NKAIN3: variants seen among roughly 807,000 people sequenced by gnomAD.
The protein encoded by NKAIN3 is sodium/potassium transporting ATPase interacting 3.
NKAIN3 carries 25 observed loss-of-function variants against 30.2 expected under a neutral mutation model. That is an observed-to-expected ratio of 0.83 (90% CI 0.60 to 1.16). NKAIN3 has a LOEUF of 1.16. Ranked by LOEUF, NKAIN3 falls within the 50% of genes most tolerant of loss-of-function variation. NKAIN3 has a pLI of 0.00. For missense variants in NKAIN3, 225 were observed against 254.1 expected (o/e 0.89, Z 0.78); for synonymous variants, 91 against 89.6 (o/e 1.02, Z -0.09).
chr8:62,821,391 A>G lies in NKAIN3; in HGVS notation c.471+74262A>G, dbSNP rs1264617085. ...ACTCAAACACTTAAATATCTTTTCT[A>G]TTCTTAACAAAAGTTTCTGGGAAAT... is the stretch of plus-strand genomic sequence containing the variant. On this transcript the variant is annotated intron_variant, in intron 4 of 6. Coordinates refer to ENST00000623646, the MANE Select transcript of NKAIN3 (RefSeq NM_001304533.3). 3.3e-5 allele frequency among the ~76,000 whole-genome samples: 5 copies of G among 152,120 alleles called. No homozygotes were observed. In the East Asian group the frequency reaches 9.6e-4, roughly 29 times the overall value.
chr8:62,352,948 TTC>T (rs1331297182), intron 1 of NKAIN3, among the ~76,000 whole-genome samples: 4 of 152,214 alleles, frequency 2.6e-5, no homozygotes, highest in Non-Finnish European at 5.9e-5. Flanking sequence ...GACTGATGAC[TTC>T]AGGGGTCTGT....
chr8:62,440,718 AAG>A (rs969544196), intron 1 of NKAIN3, among the ~76,000 whole-genome samples: 8 of 148,404 alleles, frequency 5.4e-5, no homozygotes, highest in African/African-American at 1.7e-4. Flanking sequence ...TTTTTTCTTC[AAG>A]AGAGAGCTAA....
At chr8:62,563,825 A>G (rs1335624547) in intron 1 of NKAIN3, among the ~76,000 whole-genome samples, 3 of 152,168 alleles carry the variant, frequency 2.0e-5, no homozygotes, top group Admixed American at 6.6e-5. Context: ...TTTAATGTAC[A>G]TTAAGAAAAC....
rs144739495 is a variant in NKAIN3, at chr8:62,553,661, C to T, written c.55-25878C>T. ...AAGCGATTCTCTTGCCTCAGCCTCC[C>T]GAACAGCTGGGATTACAGGCACCCA... On this transcript the variant is annotated intron_variant, in intron 1 of 6. Coordinates refer to ENST00000623646, the MANE Select transcript of NKAIN3 (RefSeq NM_001304533.3). 2.5e-3 allele frequency among the ~76,000 whole-genome samples: 376 copies of T among 151,964 alleles called. 2 individuals carry two copies. The highest frequency in any genetic ancestry group is 8.0e-3 in the African/African-American group (331 of 41,432).
At chr8:62,952,994 A>G (rs948169560) in intron 5 of NKAIN3, among the ~76,000 whole-genome samples, 1 of 152,098 alleles carries the variant, frequency 6.6e-6, no homozygotes, top group African/African-American at 2.4e-5. Context: ...AATAGATACT[A>G]TTTATGGGTT....
intron 4 of NKAIN3, among the ~76,000 whole-genome samples, chr8:62,787,520 C>T (rs1817560834): frequency 1.3e-5 from 2 of 151,992 alleles, no homozygotes; most frequent in South Asian, 4.2e-4. Context: ...TACTATCATC[C>T]TCTTTTTTTA....
At chr8:62,624,429 T>C (rs890393123) in intron 3 of NKAIN3, among the ~76,000 whole-genome samples, 1 of 151,968 alleles carries the variant, frequency 6.6e-6, no homozygotes, top group African/African-American at 2.4e-5. Flanking sequence ...CTCTACTCTC[T>C]CTTTTTTACT....
intron 4 of NKAIN3, among the ~76,000 whole-genome samples, chr8:62,912,896 C>A (rs1821965542): frequency 6.6e-6 from 1 of 151,742 alleles, no homozygotes; most frequent in Non-Finnish European, 1.5e-5. Context: ...GCAACAAGAG[C>A]AAAACTCTGT....
downstream of NKAIN3, among the ~76,000 whole-genome samples, chr8:62,987,913 A>G (rs1331142718): frequency 6.6e-6 from 1 of 152,194 alleles, no homozygotes; most frequent in Non-Finnish European, 1.5e-5. Context: ...GACTGTAAAA[A>G]TCAAAAGCAA....
intron 4 of NKAIN3, among the ~76,000 whole-genome samples, chr8:62,886,287 G>C (rs892775509): frequency 6.6e-6 from 1 of 151,434 alleles, no homozygotes; most frequent in Non-Finnish European, 1.5e-5. Flanking sequence ...AATAGTCCTA[G>C]TTTATCTTCC....
intron 1 of NKAIN3, among the ~76,000 whole-genome samples, chr8:62,478,930 G>A (rs1375925944): frequency 1.3e-5 from 2 of 152,154 alleles, no homozygotes; most frequent in Non-Finnish European, 2.9e-5. Flanking sequence ...TCGCAAGGAG[G>A]TTCTTGTAAG....
At chr8:62,666,697 C>A (rs1193005168) in intron 3 of NKAIN3, among the ~76,000 whole-genome samples, 1 of 152,112 alleles carries the variant, frequency 6.6e-6, no homozygotes, top group East Asian at 1.9e-4. Flanking sequence ...GAAGTCCTAA[C>A]ACTATATTTA....
chr8:62,803,945 C>A (rs1172550024), intron 4 of NKAIN3, among the ~76,000 whole-genome samples: 1 of 152,094 alleles, frequency 6.6e-6, no homozygotes, highest in Admixed American at 6.5e-5. Flanking sequence ...ACCACTGATC[C>A]CACAGAAATA....
intron 4 of NKAIN3, among the ~76,000 whole-genome samples, chr8:62,750,820 CAA>C (rs554879934): frequency 8.5e-5 from 13 of 152,190 alleles, no homozygotes; most frequent in African/African-American, 3.1e-4. Flanking sequence ...GTGGAGAAGT[CAA>C]AGACAAGCAG....
At chr8:62,543,903 T>A (rs1418183403) in intron 1 of NKAIN3, among the ~76,000 whole-genome samples, 1 of 152,196 alleles carries the variant, frequency 6.6e-6, no homozygotes, top group Non-Finnish European at 1.5e-5. Context: ...AAGTAAAACT[T>A]ACAGAAAATT....
intron 1 of NKAIN3, among the ~76,000 whole-genome samples, chr8:62,496,991 A>C (rs1268675202): frequency 1.3e-5 from 2 of 152,076 alleles, no homozygotes; most frequent in Non-Finnish European, 2.9e-5. Flanking sequence ...AATGTCATTT[A>C]TGAACTCTTA....
At chr8:62,746,502 A>C (rs1262315084) in intron 3 of NKAIN3, among the ~76,000 whole-genome samples, 1 of 152,220 alleles carries the variant, frequency 6.6e-6, no homozygotes, top group African/African-American at 2.4e-5. Context: ...ATGAACATTC[A>C]AGAATATAAT....
In NKAIN3 at chr8:62,889,173, G is replaced by T. The variant is rs568998667; in HGVS notation, c.472-29280G>T. On this transcript the variant is annotated intron_variant, in intron 4 of 6. Transcript: ENST00000623646. ...TACCTGAGATCAGGAGTTCGAGACC[G>T]CCCTGGCCAACATGGTGAAACCCTG... Among the ~76,000 whole-genome samples the T allele has an allele frequency of 4.6e-5, 7 of 151,974 alleles. No homozygotes were observed. In the South Asian group the frequency reaches 6.2e-4, roughly 14 times the overall value.
intron 1 of NKAIN3, among the ~76,000 whole-genome samples, chr8:62,483,987 C>T (rs769802426): frequency 6.6e-6 from 1 of 152,188 alleles, no homozygotes; most frequent in Non-Finnish European, 1.5e-5. Context: ...AGCAAACAGA[C>T]CTGTTAGTAG....
Sources: gnomAD v4.1 joint callset for allele counts (sites outside exome capture counted in the v4.1 genomes callset) on GRCh38, gnomAD v4.1.1 for gene constraint, MANE v1.5 for transcripts, NCBI Gene and HGNC (gene_info 2026-07-23, HGNC 2026-07-21) for gene names.